Variants in GNB5 observed in about 807,000 individuals in gnomAD.
The protein encoded by GNB5 is guanine nucleotide-binding protein subunit beta-5.
A neutral mutation model predicts 55.3 loss-of-function variants in GNB5; 37 were observed. That is an observed-to-expected ratio of 0.67 (90% CI 0.51 to 0.88). GNB5 has a LOEUF of 0.88. Among genes scored for constraint, GNB5 ranks in the 40% least tolerant of loss-of-function variants. GNB5 has a pLI of 0.00. For missense variants in GNB5, 476 were observed against 515.3 expected (o/e 0.92, Z 0.74); for synonymous variants, 219 against 198.5 (o/e 1.10, Z -0.87).
intron 3 of GNB5, among the ~76,000 whole-genome samples, chr15:52,159,055 T>G (rs2034276535): frequency 6.6e-6 from 1 of 152,168 alleles, no homozygotes; most frequent in African/African-American, 2.4e-5. Context: ...GTGGGTACGC[T>G]AAGCTGAGGA....
chr15:52,139,822 C>T (rs760653565), intron 7 of GNB5: 6 of 1,259,490 alleles, frequency 4.8e-6, no homozygotes, highest in African/African-American at 4.6e-5. Context: ...CCTACTGGTG[C>T]CCCCTTTCAT....
chr15:52,123,744 T>C (rs1423398407), intron 12 of GNB5: 3 of 152,134 alleles, frequency 2.0e-5, no homozygotes, highest in East Asian at 1.9e-4. Context: ...GGTTTCACCA[T>C]GTTGCCCAGG....
intron 11 of GNB5, 102 bp downstream of exon 11, chr15:52,125,846 G>A (rs2033409764): frequency 1.5e-6 from 1 of 650,624 alleles, no homozygotes; most frequent in African/African-American, 1.8e-5. Context: ...CTGGTCCACA[G>A]GAAGCTCAGT....
Position 52,169,597 on chromosome 15 carries a change from AGAAAG to A in GNB5, c.238+10166_238+10170del, listed in dbSNP as rs2034521132. On this transcript the variant is annotated intron_variant, in intron 3 of 12. Transcript: ENST00000261837. ...GAGAAGAGAAAAAGAAAAAAAGAAA[AGAAAG>A]AAAAGAAAAGAGGTAAAGAGGAAAA... 3.3e-5 allele frequency among the ~76,000 whole-genome samples: 5 copies of A among 151,320 alleles called. 1 individual carries two copies. In the South Asian group the frequency reaches 1.0e-3, roughly 31 times the overall value.
At chr15:52,184,453 G>T (rs1192102582) in intron 2 of GNB5, 98 bp downstream of exon 2, 28 of 1,020,588 alleles carry the variant, frequency 2.7e-5, no homozygotes, top group Non-Finnish European at 3.9e-5. Flanking sequence ...TGAAAAGTGT[G>T]TGTTATATAA....
At position 52,116,890 on chromosome 15, in the gene GNB5, A is replaced by C. The variant is rs976420624; in HGVS notation, c.*5867T>G. 3 of 148,924 alleles carry C rather than the reference A, an allele frequency of 2.0e-5. No homozygotes were observed. The highest frequency in any genetic ancestry group is 1.3e-4 in the Admixed American group (2 of 14,952). The allele number at this position is 148,924 out of a possible 1,614,324, so 9.2% of individuals were successfully genotyped here. A position where few individuals can be genotyped will look rare whatever the true frequency, so the allele number is the denominator to read the frequency against. ...TCAAAACCATTATGTAATCCTCCTC[A>C]TTTTTTCCTTTAAAAACCTTTGTTT... On this transcript the variant is annotated 3_prime_UTR_variant, in exon 13 of 13. Transcript: ENST00000261837.
intron 6 of GNB5, chr15:52,147,101 G>C (rs540125317): frequency 5.8e-4 from 128 of 219,250 alleles, no homozygotes; most frequent in African/African-American, 2.9e-3. Flanking sequence ...GCAGGAGATA[G>C]GTTTGAAATG....
At chr15:52,168,470 G>T (rs1275620048) in intron 3 of GNB5, among the ~76,000 whole-genome samples, 1 of 152,116 alleles carries the variant, frequency 6.6e-6, no homozygotes, top group Non-Finnish European at 1.5e-5. Flanking sequence ...ATCAGAGAGG[G>T]CACAAACAAA....
At chr15:52,130,116 T>C (rs2033537755) in intron 9 of GNB5, among the ~76,000 whole-genome samples, 1 of 152,060 alleles carries the variant, frequency 6.6e-6, no homozygotes, top group African/African-American at 2.4e-5. Context: ...TCCTAGGAAA[T>C]GGGTTGCGAA....
chr15:52,185,565 G>C (rs533009654), intron 1 of GNB5, among the ~76,000 whole-genome samples: 1 of 152,224 alleles, frequency 6.6e-6, no homozygotes, highest in South Asian at 2.1e-4. Flanking sequence ...GGCTGGGGAT[G>C]CCAAAGAAAG....
chr15:52,174,559 C>T (rs1280303522), intron 3 of GNB5, among the ~76,000 whole-genome samples: 1 of 152,024 alleles, frequency 6.6e-6, no homozygotes, highest in South Asian at 2.1e-4. Context: ...TTAATGTTGG[C>T]CAAGGGTCTG....
Position 52,134,636 on chromosome 15 carries a change from A to C in GNB5, c.771+977T>G, listed in dbSNP as rs1019042653. Among the ~76,000 whole-genome samples the C allele has an allele frequency of 3.3e-5, 5 of 152,348 alleles. No individual in the cohort carries two copies. In the Middle Eastern group the frequency reaches 0.01, roughly 311 times the overall value. On this transcript the variant is annotated intron_variant, in intron 8 of 12. Transcript: ENST00000261837. ...TACACATGGCCAAATACCCAGGAAGAAAATCAGGGTCCCTGCTAACTACAG... is the reference window on the plus strand; with the variant it reads ...TACACATGGCCAAATACCCAGGAAGCAAATCAGGGTCCCTGCTAACTACAG...
At chr15:52,129,026 G>C (rs955602471) in intron 9 of GNB5, among the ~76,000 whole-genome samples, 6 of 149,952 alleles carry the variant, frequency 4.0e-5, no homozygotes, top group Non-Finnish European at 8.8e-5. Flanking sequence ...CGTGAACTTG[G>C]CTCACTACAA....
chr15:52,153,861 T>C (rs1174821375), intron 4 of GNB5, 79 bp downstream of exon 4: 1 of 1,270,396 alleles, frequency 7.9e-7, no homozygotes, highest in Admixed American at 2.0e-5. Flanking sequence ...AAAAGGGCTT[T>C]TGGAAAGGGA....
At chr15:52,143,907 C>T (rs79038744) in intron 6 of GNB5, 1 of 152,222 alleles carries the variant, frequency 6.6e-6, no homozygotes, top group Non-Finnish European at 1.5e-5. Context: ...GTCTTTGACG[C>T]TCTCTCATCC....
chr15:52,120,902 A>G lies in GNB5; in HGVS notation c.*1855T>C, dbSNP rs2033250426. The G allele has an allele frequency of 6.6e-6, 1 of 152,242 alleles. No individual in the cohort carries two copies. Among genetic ancestry groups the G allele is most frequent in the South Asian group, 2.1e-4 (1 of 4,830 alleles). The allele number at this position is 152,242 out of a possible 1,614,324, so 9.4% of individuals were successfully genotyped here. On this transcript the variant is annotated 3_prime_UTR_variant, in exon 13 of 13. Transcript: ENST00000261837. ...CTCTCTACCCCAGACCCCAGTGTAC[A>G]ATAAAACCACCAGTAACTGCTCTGC...
chr15:52,161,981 G>A (rs1262155172), intron 3 of GNB5, among the ~76,000 whole-genome samples: 6 of 152,192 alleles, frequency 3.9e-5, no homozygotes, highest in Admixed American at 3.9e-4. Flanking sequence ...AGCTGAGCTG[G>A]TGAACAGTGG....
chr15:52,131,265 A>C (rs989731933), intron 9 of GNB5, among the ~76,000 whole-genome samples: 56 of 152,206 alleles, frequency 3.7e-4, no homozygotes, highest in Non-Finnish European at 7.6e-4. Flanking sequence ...TTTTCTTGTC[A>C]TTATTCTCCA....
intron 9 of GNB5, 81 bp downstream of exon 9, chr15:52,133,297 G>A: frequency 1.1e-6 from 1 of 913,462 alleles, no homozygotes; most frequent in Non-Finnish European, 1.8e-6. Flanking sequence ...TGAGTCTGGA[G>A]GCGGTTCCTG....
Sources: gnomAD v4.1 joint callset for allele counts (sites outside exome capture counted in the v4.1 genomes callset) on GRCh38, gnomAD v4.1.1 for gene constraint, MANE v1.5 for transcripts, NCBI Gene and HGNC (gene_info 2026-07-23, HGNC 2026-07-21) for gene names.